Variants in ATP6V1H observed in about 807,000 individuals in gnomAD.
ATP6V1H encodes V-type proton ATPase subunit H.
In ATP6V1H, 39 loss-of-function variants were observed where a neutral mutation model predicts 71.7. That is an observed-to-expected ratio of 0.54 (90% CI 0.42 to 0.71). The LOEUF is 0.71. Among genes scored for constraint, ATP6V1H ranks in the 30% least tolerant of loss-of-function variants. The pLI is 0.00. For synonymous variants in ATP6V1H, 192 were observed against 199.3 expected (o/e 0.96, Z 0.31); for missense variants, 509 against 594.9 (o/e 0.86, Z 1.50).
At chr8:53,809,527 T>C (rs1810204893) in intron 7 of ATP6V1H, among the ~76,000 whole-genome samples, 1 of 152,186 alleles carries the variant, frequency 6.6e-6, no homozygotes, top group South Asian at 2.1e-4. Context: ...TGATGTGAAT[T>C]CCATTTGGGA....
intron 12 of ATP6V1H, among the ~76,000 whole-genome samples, chr8:53,752,816 C>T (rs1807847614): frequency 6.6e-6 from 1 of 152,218 alleles, no homozygotes; most frequent in Admixed American, 6.5e-5. Flanking sequence ...TCCCAAAGTG[C>T]TGGGATTACA....
intron 11 of ATP6V1H, among the ~76,000 whole-genome samples, chr8:53,757,164 T>C (rs1265794864): frequency 6.6e-6 from 1 of 152,216 alleles, no homozygotes; most frequent in African/African-American, 2.4e-5. Flanking sequence ...AGAGAAAAGA[T>C]GGCAGCCCAA....
At chr8:53,733,879 T>C (rs945241152) in intron 13 of ATP6V1H, among the ~76,000 whole-genome samples, 1 of 152,058 alleles carries the variant, frequency 6.6e-6, no homozygotes, top group African/African-American at 2.4e-5. Context: ...CCATTTACAC[T>C]ATATGCATCA....
chr8:53,803,925 C>G (rs1809995634), intron 7 of ATP6V1H, among the ~76,000 whole-genome samples: 1 of 152,080 alleles, frequency 6.6e-6, no homozygotes, highest in Admixed American at 6.6e-5. Flanking sequence ...TTCCATTTAC[C>G]ATCAGTTTCC....
chr8:53,746,959 C>T (rs1366893890), intron 12 of ATP6V1H, among the ~76,000 whole-genome samples: 2 of 152,130 alleles, frequency 1.3e-5, no homozygotes, highest in Admixed American at 6.5e-5. Flanking sequence ...GCTTTAAGAA[C>T]TTGGAATATT....
At chr8:53,804,868 A>C (rs927228890) in intron 7 of ATP6V1H, among the ~76,000 whole-genome samples, 2 of 152,232 alleles carry the variant, frequency 1.3e-5, no homozygotes, top group African/African-American at 4.8e-5. Context: ...AGAGAATGTC[A>C]TTTAGATAAA....
chr8:53,767,606 T>C (rs1451671332), intron 11 of ATP6V1H, among the ~76,000 whole-genome samples: 4 of 152,180 alleles, frequency 2.6e-5, no homozygotes, highest in Non-Finnish European at 5.9e-5. Flanking sequence ...ATCAAAACAG[T>C]GTGGTACTAC....
chr8:53,780,635 C>T (rs1467608023), intron 9 of ATP6V1H, among the ~76,000 whole-genome samples: 1 of 152,002 alleles, frequency 6.6e-6, no homozygotes, highest in Admixed American at 6.6e-5. Context: ...TGGTGTGCTG[C>T]ACCCATTAAC....
chr8:53,776,000 G>A (rs1039957112), intron 9 of ATP6V1H, among the ~76,000 whole-genome samples: 1 of 152,214 alleles, frequency 6.6e-6, no homozygotes, highest in Non-Finnish European at 1.5e-5. Flanking sequence ...ACGGAGGCGG[G>A]GAAGGCTCAG....
intron 7 of ATP6V1H, among the ~76,000 whole-genome samples, chr8:53,802,758 A>G (rs939050057): frequency 2.0e-5 from 3 of 152,198 alleles, no homozygotes; most frequent in African/African-American, 7.2e-5. Flanking sequence ...AATTCATTTT[A>G]CAACACAGCT....
intron 11 of ATP6V1H, among the ~76,000 whole-genome samples, chr8:53,768,014 A>G (rs1808528225): frequency 6.6e-6 from 1 of 152,246 alleles, no homozygotes; most frequent in African/African-American, 2.4e-5. Context: ...ACAAAATGAG[A>G]CAAAATATTT....
intron 4 of ATP6V1H, among the ~76,000 whole-genome samples, chr8:53,820,272 TGA>T (rs1355950118): frequency 4.0e-5 from 6 of 151,640 alleles, no homozygotes; most frequent in African/African-American, 1.5e-4. Flanking sequence ...GCATCATTTT[TGA>T]GAGATAATAA....
At chr8:53,810,383 C>A (rs1018627189) in intron 7 of ATP6V1H, among the ~76,000 whole-genome samples, 1 of 152,138 alleles carries the variant, frequency 6.6e-6, no homozygotes, top group African/African-American at 2.4e-5. Context: ...ACTTGGGGAG[C>A]CATAATTAAT....
intron 4 of ATP6V1H, among the ~76,000 whole-genome samples, chr8:53,824,662 G>C (rs1810770904): frequency 6.6e-6 from 1 of 151,932 alleles, no homozygotes. Context: ...GAAAATAACA[G>C]CCTTTGACAA....
chr8:53,819,740 AGT>A (rs199577146), intron 4 of ATP6V1H, among the ~76,000 whole-genome samples: 1 of 143,456 alleles, frequency 7.0e-6, no homozygotes, highest in Admixed American at 7.0e-5. Context: ...TATAGTATAT[AGT>A]GTGTGTATAT....
At position 53,814,758 on chromosome 8, in the gene ATP6V1H, T is replaced by C; in HGVS notation, c.429A>G (p.Arg143=). The C allele has an allele frequency of 6.2e-7, 1 of 1,609,518 alleles. No homozygotes were observed. Among genetic ancestry groups the C allele is most frequent in the Non-Finnish European group, 8.5e-7 (1 of 1,176,872 alleles). The stretch of plus-strand genomic sequence containing the variant: ...CCCAAGCTGCTAACTTGGCAATAAT[T>C]CTTGCTGCCTGAAAACAAATAAGAG... ...QDPFTVHMAA[R]IIAKLAAWGK... is the part of the protein sequence containing the mutation. The change falls in exon 6 of 14, where the codon AGA becomes AGG. Residue 143 remains arginine, a synonymous_variant. Coordinates refer to ENST00000359530, the MANE Select transcript of ATP6V1H (RefSeq NM_015941.4).
At chr8:53,748,119 T>C (rs1585741650) in intron 12 of ATP6V1H, among the ~76,000 whole-genome samples, 1 of 151,182 alleles carries the variant, frequency 6.6e-6, no homozygotes, top group East Asian at 2.0e-4. Context: ...GATCACGCCA[T>C]TGCACTCCAG....
rs183605728 is a variant in ATP6V1H at position 53,785,587 on chromosome 8, G to C, written c.870+10060C>G. Among the ~76,000 whole-genome samples the C allele has an allele frequency of 3.3e-3, 506 of 152,332 alleles. 2 individuals are homozygous for C. The highest frequency in any genetic ancestry group is 6.0e-3 in the Non-Finnish European group (405 of 68,034). ...TTTGTTCCGTTGCTGGTGAGGAGCTGCGTTCCTTTGGAGGAGGAGAGGTGC... is the reference window on the plus strand; with the variant it reads ...TTTGTTCCGTTGCTGGTGAGGAGCTCCGTTCCTTTGGAGGAGGAGAGGTGC... On this transcript the variant is annotated intron_variant, in intron 9 of 13. Coordinates refer to ENST00000359530, the MANE Select transcript of ATP6V1H (RefSeq NM_015941.4).
chr8:53,783,448 T>A (rs1421975591), intron 9 of ATP6V1H, among the ~76,000 whole-genome samples: 4 of 152,248 alleles, frequency 2.6e-5, no homozygotes, highest in Non-Finnish European at 4.4e-5. Context: ...TCTTTATTAG[T>A]CTTGCTAGTG....
Sources: allele counts gnomAD v4.1 joint callset (sites outside exome capture counted in the v4.1 genomes callset), GRCh38; gene constraint gnomAD v4.1.1; transcripts MANE v1.5; gene names NCBI Gene and HGNC (gene_info 2026-07-23, HGNC 2026-07-21).